TSPEAR: variants seen among roughly 807,000 people sequenced by gnomAD.
TSPEAR encodes the protein thrombospondin type laminin G domain and EAR repeats, also known as thrombospondin-type laminin G domain and EAR repeat-containing protein.
A neutral mutation model predicts 71.6 loss-of-function variants in TSPEAR; 69 were observed. The observed-to-expected ratio is 0.96, with a 90% CI of 0.79 to 1.18. The LOEUF is 1.18. Ranked by LOEUF, TSPEAR falls within the 50% of genes most tolerant of loss-of-function variation. The probability of loss-of-function intolerance (pLI) is 0.00; values close to 1 mark genes in which losing one functional copy is unlikely to be tolerated. For missense variants in TSPEAR, 971 were observed against 894.9 expected (o/e 1.09, Z -1.09); for synonymous variants, 402 against 387.2 (o/e 1.04, Z -0.45).
chr21:44,504,522 G>A (rs34918431), intron 11 of TSPEAR, among the ~76,000 whole-genome samples: 1 of 134,492 alleles, frequency 7.4e-6, no homozygotes, highest in African/African-American at 2.9e-5. Context: ...TCTGGGAGGA[G>A]GCCGGCCTCG....
At chr21:44,577,781 G>A (rs2146094623) in intron 1 of TSPEAR, among the ~76,000 whole-genome samples, 1 of 152,250 alleles carries the variant, frequency 6.6e-6, no homozygotes. Flanking sequence ...AATGAAATTG[G>A]CAAATTTCTA....
At position 44,533,708 on chromosome 21, in the gene TSPEAR, C is replaced by T. The variant is rs782307157; in HGVS notation, c.519G>A (p.Thr173=). 31 of 1,610,302 alleles carry T rather than the reference C, an allele frequency of 1.9e-5. No homozygotes were observed. Among genetic ancestry groups the T allele is most frequent in the Non-Finnish European group, 2.0e-5 (23 of 1,178,464 alleles). ...AVSAGVFSLT[T]DCGLPVDIMA... ...ACATGTCCACCGGGAGGCCGCAGTC[C>T]GTGGTGAGGGAGAAGACGCCTGCGG... Residue 173 remains threonine (T), a synonymous_variant, in exon 3 of 12, where the codon ACG becomes ACA. Coordinates refer to ENST00000323084, the MANE Select transcript of TSPEAR (RefSeq NM_144991.3).
intron 1 of TSPEAR, chr21:44,666,101 A>C: frequency 4.1e-6 from 1 of 244,312 alleles, no homozygotes; most frequent in Non-Finnish European, 8.0e-6. Flanking sequence ...GGGATCACTG[A>C]AGAGGGTTTA....
chr21:44,612,566 T>C lies in TSPEAR; in HGVS notation c.83-44561A>G. ...GCAGTCTAGCTGCCAGTCAGCTTGC[T>C]GCACCTTCTCCCCATGCCAACAGGC... On this transcript the variant is annotated intron_variant, in intron 1 of 11. Coordinates refer to ENST00000323084, the MANE Select transcript of TSPEAR (RefSeq NM_144991.3). This position sits in a 1 kb window ranked among gnomAD's most constrained non-coding sequence, Gnocchi z 4.1. The C allele has an allele frequency of 6.2e-7, 1 of 1,614,070 alleles. No homozygotes were observed. Among genetic ancestry groups the C allele is most frequent in the East Asian group, 2.2e-5 (1 of 44,880 alleles).
At chr21:44,676,533 A>G (rs587753358) in intron 1 of TSPEAR, 7 of 753,008 alleles carry the variant, frequency 9.3e-6, no homozygotes, top group South Asian at 7.3e-5. Flanking sequence ...TTATATCCAG[A>G]GTAAAGTTGT....
At position 44,612,127 on chromosome 21, in the gene TSPEAR, G is replaced by A. The variant is rs782005054; in HGVS notation, c.83-44122C>T. The A allele has an allele frequency of 4.3e-5, 70 of 1,613,938 alleles. No individual in the cohort carries two copies. The highest frequency in any genetic ancestry group is 2.7e-4 in the Admixed American group (16 of 59,992). Reference sequence around the variant, plus strand: ...TGGCTGACGCCTGCTGCACCAGGACGTATGTGATTGCTGCATCCACCATGT... The same window carrying A: ...TGGCTGACGCCTGCTGCACCAGGACATATGTGATTGCTGCATCCACCATGT... On this transcript the variant is annotated intron_variant, in intron 1 of 11. Transcript: ENST00000323084. The surrounding 1 kb of genome is among the most constrained non-coding windows in gnomAD (Gnocchi z 4.1).
chr21:44,648,144 A>G (rs762431), intron 1 of TSPEAR, among the ~76,000 whole-genome samples: 117,920 of 152,120 alleles, frequency 0.78, 46,159 homozygotes, highest in African/African-American at 0.89. Flanking sequence ...GGGGTCCTGG[A>G]GTTACTCAGA....
intron 9 of TSPEAR, among the ~76,000 whole-genome samples, chr21:44,521,431 G>T (rs980958695): frequency 6.6e-6 from 1 of 152,192 alleles, no homozygotes; most frequent in Non-Finnish European, 1.5e-5. Context: ...GGAGCGCCAC[G>T]TGCTGCCCCG....
At chr21:44,584,291 A>G (rs1437438510) in intron 1 of TSPEAR, among the ~76,000 whole-genome samples, 1 of 152,098 alleles carries the variant, frequency 6.6e-6, no homozygotes, top group African/African-American at 2.4e-5. Flanking sequence ...GCTGAATCGT[A>G]TTCCATCGTG....
chr21:44,617,632 T>C (rs1555932811), intron 1 of TSPEAR, among the ~76,000 whole-genome samples: 1 of 152,240 alleles, frequency 6.6e-6, no homozygotes, highest in Non-Finnish European at 1.5e-5. Flanking sequence ...CCCTGAGTCT[T>C]TACTTCTTAA....
chr21:44,586,963 C>T (rs1555925769), intron 1 of TSPEAR, among the ~76,000 whole-genome samples: 2 of 152,180 alleles, frequency 1.3e-5, no homozygotes, highest in African/African-American at 4.8e-5. Context: ...AAAGCACTCC[C>T]TCTGAGAACT....
intron 1 of TSPEAR, among the ~76,000 whole-genome samples, chr21:44,709,786 C>G (rs1555953238): frequency 6.6e-6 from 1 of 152,258 alleles, no homozygotes; most frequent in East Asian, 1.9e-4. Context: ...CTGTGCTTCC[C>G]AAAACGGAAT....
intron 3 of TSPEAR, among the ~76,000 whole-genome samples, chr21:44,532,593 A>T (rs1366508551): frequency 6.6e-6 from 1 of 152,258 alleles, no homozygotes; most frequent in Non-Finnish European, 1.5e-5. Context: ...TTCATAACAA[A>T]ACAGAAGATC....
intron 1 of TSPEAR, among the ~76,000 whole-genome samples, chr21:44,581,908 A>G (rs1260660505): frequency 6.6e-6 from 1 of 152,226 alleles, no homozygotes; most frequent in Non-Finnish European, 1.5e-5. Context: ...TCCAGTTTAC[A>G]TTCTAATTTG....
In TSPEAR at chr21:44,609,641, C is replaced by A. The variant is rs150137570; in HGVS notation, c.83-41636G>T. 2.4e-3 allele frequency among the ~76,000 whole-genome samples: 369 copies of A among 152,246 alleles called. 1 individual carries two copies. The highest frequency in any genetic ancestry group is 8.5e-3 in the African/African-American group (353 of 41,542). ...AAGCTAATAGATTGTTATATTTGAA[C>A]CTCTTGAGTGGAGCATGGGGATGAA... is the stretch of plus-strand genomic sequence containing the variant. On this transcript the variant is annotated intron_variant, in intron 1 of 11. Coordinates refer to ENST00000323084, the MANE Select transcript of TSPEAR (RefSeq NM_144991.3).
At chr21:44,640,036 G>T (rs1314657418) in intron 1 of TSPEAR, among the ~76,000 whole-genome samples, 2 of 152,186 alleles carry the variant, frequency 1.3e-5, no homozygotes, top group Non-Finnish European at 2.9e-5. Context: ...CCAGTTCTAG[G>T]CATCTACCCC....
rs115979275 is a variant in TSPEAR at position 44,522,264 on chromosome 21, G to A, written c.1337-152C>T. 487 of 690,600 alleles carry A rather than the reference G, an allele frequency of 7.1e-4. 3 individuals carry two copies. In the African/African-American group the frequency reaches 7.5e-3, roughly 11 times the overall value. The allele number at this position is 690,600 out of a possible 1,614,324, so 42.8% of individuals were successfully genotyped here. A position where few individuals can be genotyped will look rare whatever the true frequency, so the allele number is the denominator to read the frequency against. On this transcript the variant is annotated intron_variant, in intron 8 of 11. Transcript: ENST00000323084. Reference sequence around the variant, plus strand: ...CGCTGGGGACATCCTTTCTTACCTTGAGCCTCCCGCCCTCAGCCCCTTGCT... The same window carrying A: ...CGCTGGGGACATCCTTTCTTACCTTAAGCCTCCCGCCCTCAGCCCCTTGCT...
chr21:44,548,342 G>A (rs1171059605), intron 2 of TSPEAR, among the ~76,000 whole-genome samples: 1 of 152,186 alleles, frequency 6.6e-6, no homozygotes, highest in Non-Finnish European at 1.5e-5. Flanking sequence ...TTGTCCTATT[G>A]GGTTGTGCTG....
rs1984020938 is a variant in TSPEAR at position 44,641,521 on chromosome 21, C to T, written c.82+69912G>A. ...TCTGAGTGGGAAGAGCCCAGGAGAC[C>T]CAGGGTCTGTGATCCTAACCGGGAT... On this transcript the variant is annotated intron_variant, in intron 1 of 11. Coordinates refer to ENST00000323084, the MANE Select transcript of TSPEAR (RefSeq NM_144991.3). Among the ~76,000 whole-genome samples the T allele has an allele frequency of 2.0e-5, 3 of 152,080 alleles. No homozygotes were observed. In the South Asian group the frequency reaches 6.2e-4, roughly 32 times the overall value.
Sources: allele counts gnomAD v4.1 joint callset (sites outside exome capture counted in the v4.1 genomes callset), GRCh38; gene constraint gnomAD v4.1.1; non-coding constraint Gnocchi (gnomAD v3.1); transcripts MANE v1.5; gene names NCBI Gene and HGNC (gene_info 2026-07-23, HGNC 2026-07-21).